COG2: variants seen among roughly 807,000 people sequenced by gnomAD.
COG2 encodes component of oligomeric golgi complex 2.
A neutral mutation model predicts 90.6 loss-of-function variants in COG2; 52 were observed. The ratio of observed to expected loss-of-function variants is 0.57; its 90% CI spans 0.46 to 0.72. The LOEUF is 0.72. COG2 is among the 30% of genes least tolerant of loss of function. The pLI, the probability that COG2 is intolerant of heterozygous loss-of-function variation, is 0.00. For missense variants in COG2, 829 were observed against 891.2 expected (o/e 0.93, Z 0.89); for synonymous variants, 337 against 320.4 (o/e 1.05, Z -0.55).
At chr1:230,657,015 T>A (rs1330659422) in intron 1 of COG2, among the ~76,000 whole-genome samples, 1 of 152,158 alleles carries the variant, frequency 6.6e-6, no homozygotes, top group African/African-American at 2.4e-5. Context: ...GGGTCTTGAC[T>A]CTATCCAATT....
intron 16 of COG2, among the ~76,000 whole-genome samples, chr1:230,690,790 A>G (rs1032151271): frequency 1.3e-5 from 2 of 152,226 alleles, no homozygotes; most frequent in East Asian, 3.8e-4. Context: ...TTAGAACATA[A>G]CAATGATGTA....
At chr1:230,669,561 T>C in intron 7 of COG2, 26 bp downstream of exon 7, 2 of 1,598,154 alleles carry the variant, frequency 1.3e-6, no homozygotes, top group Admixed American at 1.7e-5. Flanking sequence ...TCAACAAACA[T>C]TCATGAGCTT....
intron 11 of COG2, chr1:230,684,498 T>C (rs1218674743): frequency 6.6e-6 from 1 of 152,578 alleles, no homozygotes; most frequent in Non-Finnish European, 1.5e-5. Context: ...AATTTTTGTA[T>C]CATATATTTA....
At chr1:230,656,773 C>T (rs1662065047) in intron 1 of COG2, among the ~76,000 whole-genome samples, 1 of 152,094 alleles carries the variant, frequency 6.6e-6, no homozygotes, top group Non-Finnish European at 1.5e-5. Context: ...GTATTGGGTG[C>T]ATATATATTT....
Position 230,660,947 on chromosome 1 carries a change from TATA to T in COG2, c.300+128_300+130del, listed in dbSNP as rs2102750506. 8 of 514,276 alleles carry T rather than the reference TATA, an allele frequency of 1.6e-5. No homozygotes were observed. In the South Asian group the frequency reaches 3.3e-4, roughly 21 times the overall value. The allele number at this position is 514,276 out of a possible 1,614,324, so 31.9% of individuals were successfully genotyped here. On this transcript the variant is annotated intron_variant, in intron 3 of 17. Coordinates refer to ENST00000366669, the MANE Select transcript of COG2 (RefSeq NM_007357.3). Reference sequence around the variant, plus strand: ...TTTTGTTTTTTGAATGTTTAGTAATTATAATACTCATCCTCAGAAAAGTTGTAA... The same window carrying T: ...TTTTGTTTTTTGAATGTTTAGTAATTATACTCATCCTCAGAAAAGTTGTAA...
chr1:230,681,685 G>A (rs2102768369), intron 10 of COG2: 1 of 152,342 alleles, frequency 6.6e-6, no homozygotes, highest in African/African-American at 2.4e-5. Flanking sequence ...GACATTCGAT[G>A]TGCACATGAA....
intron 8 of COG2, among the ~76,000 whole-genome samples, chr1:230,672,521 A>G (rs529830987): frequency 6.6e-6 from 1 of 152,180 alleles, no homozygotes; most frequent in African/African-American, 2.4e-5. Flanking sequence ...TCCAGCTCAG[A>G]TACCACCTCC....
intron 1 of COG2, 55 bp downstream of exon 1, chr1:230,642,733 G>T (rs571223622): frequency 2.0e-6 from 3 of 1,538,168 alleles, no homozygotes; most frequent in African/African-American, 1.4e-5. Flanking sequence ...TCTGCCCTGT[G>T]CCCTCTGTGG....
chr1:230,687,030 T>G lies in COG2; in HGVS notation c.1476T>G (p.Thr492=), dbSNP rs776969243. The G allele has an allele frequency of 1.2e-6, 2 of 1,612,334 alleles. No individual in the cohort carries two copies. Among genetic ancestry groups the G allele is most frequent in the South Asian group, 2.2e-5 (2 of 90,588 alleles). Residue 492 remains threonine (T), a synonymous_variant, in exon 13 of 18, where the codon ACT becomes ACG. Transcript: ENST00000366669. The part of the protein sequence containing the change: ...SKEPSITQGN[T]EDQGSGPSET... ...AACCTTCCATCACCCAAGGAAACAC[T>G]GAAGACCAAGGAAGTGGTCCTTCGG...
chr1:230,647,331 C>T (rs80219651), intron 1 of COG2, among the ~76,000 whole-genome samples: 3,025 of 152,260 alleles, frequency 0.02, 86 homozygotes, highest in African/African-American at 0.069. Context: ...GGACCCCTTA[C>T]TGTAGTTCTG....
intron 1 of COG2, among the ~76,000 whole-genome samples, chr1:230,644,906 C>A (rs1371074808): frequency 6.6e-6 from 1 of 152,008 alleles, no homozygotes; most frequent in Non-Finnish European, 1.5e-5. Context: ...CTGAGAAATA[C>A]AGGAGGGGAT....
Position 230,642,689 on chromosome 1 carries a change from C to T in COG2, c.72+11C>T, listed in dbSNP as rs767202716. 2.5e-6 allele frequency: 4 copies of T among 1,610,334 alleles called. No homozygotes were observed. Among genetic ancestry groups the T allele is most frequent in the East Asian group, 2.2e-5 (1 of 44,670 alleles). ...GACGAGTTCATGAAGGTGCGCGCGG[C>T]GTCCGCTCCCCGGAGCCGGGCCATG... On this transcript the variant is annotated intron_variant, in intron 1 of 17. Transcript: ENST00000366669.
chr1:230,686,855 T>G, intron 12 of COG2, 80 bp from the exon 13 acceptor site: 1 of 821,140 alleles, frequency 1.2e-6, no homozygotes, highest in Non-Finnish European at 1.8e-6. Context: ...GGTGAGTTAT[T>G]GACGCGCACA....
intron 5 of COG2, among the ~76,000 whole-genome samples, chr1:230,666,420 GT>G (rs1662324881): frequency 6.6e-6 from 1 of 152,042 alleles, no homozygotes; most frequent in Non-Finnish European, 1.5e-5. Flanking sequence ...CCATTGCCTC[GT>G]TTCAGGCAGT....
rs760221309 is a variant in COG2, at chr1:230,659,473, G to A, written c.82G>A (p.Asp28Asn). Residue 28 changes from aspartate (D) to asparagine (N), a missense_variant, in exon 2 of 18, where the codon GAT becomes AAT. Physicochemically the swap from Asp to Asn is conservative, Grantham distance 23. Coordinates refer to ENST00000366669, the MANE Select transcript of COG2 (RefSeq NM_007357.3). ...TGGTTTTATTTTTCAGGAAGATTTC[G>A]ATGTCGATCATTTTGTGTCTGACTG... is the stretch of plus-strand genomic sequence containing the variant. ...DKDEFMKEDFDVDHFVSDCRK... is the reference protein window; with the variant it reads ...DKDEFMKEDFNVDHFVSDCRK... The A allele has an allele frequency of 7.4e-6, 12 of 1,612,976 alleles. No homozygotes were observed. Among genetic ancestry groups the A allele is most frequent in the South Asian group, 5.5e-5 (5 of 90,940 alleles).
At chr1:230,691,892 G>T (rs868682818) in intron 17 of COG2, 21 of 215,434 alleles carry the variant, frequency 9.7e-5, no homozygotes, top group African/African-American at 4.6e-4. Context: ...GCGAACCCCA[G>T]GCTTTTGAAA....
At position 230,669,510 on chromosome 1, in the gene COG2, T is replaced by C. The variant is rs1558273791; in HGVS notation, c.749T>C (p.Val250Ala). ...GACGCGGAGGCCTTAGTTGGCCAAGTACTAGTGAAACCATACATAGACGAG... is the reference window on the plus strand; with the variant it reads ...GACGCGGAGGCCTTAGTTGGCCAAGCACTAGTGAAACCATACATAGACGAG... ...TRDAEALVGQVLVKPYIDEVI... is the reference protein window; with the variant it reads ...TRDAEALVGQALVKPYIDEVI... Residue 250 changes from valine to alanine, a missense_variant, in exon 7 of 18, where the codon GTA (valine) becomes GCA (alanine). Val to Ala is a moderately conservative substitution (Grantham distance 64, BLOSUM62 0). Transcript: ENST00000366669. 3 of 1,613,966 alleles carry C rather than the reference T, an allele frequency of 1.9e-6. No individual in the cohort carries two copies. Among genetic ancestry groups the C allele is most frequent in the Non-Finnish European group, 1.7e-6 (2 of 1,179,928 alleles).
chr1:230,685,834 G>C (rs866923451), intron 12 of COG2, among the ~76,000 whole-genome samples: 1 of 152,158 alleles, frequency 6.6e-6, no homozygotes, highest in African/African-American at 2.4e-5. Flanking sequence ...CTGGGACCTC[G>C]GATTGCAGTG....
At chr1:230,685,659 T>C (rs1257959477) in intron 12 of COG2, among the ~76,000 whole-genome samples, 1 of 152,214 alleles carries the variant, frequency 6.6e-6, no homozygotes, top group East Asian at 1.9e-4. Context: ...TAAAAAGGTA[T>C]TAAAATTCTT....
Sources: allele counts gnomAD v4.1 joint callset (sites outside exome capture counted in the v4.1 genomes callset), GRCh38; gene constraint gnomAD v4.1.1; transcripts MANE v1.5; gene names NCBI Gene and HGNC (gene_info 2026-07-23, HGNC 2026-07-21).